ENOX1: variants seen among roughly 807,000 people sequenced by gnomAD.
ENOX1 encodes the protein ecto-NOX disulfide-thiol exchanger 1, also known as candidate growth-related and time keeping constitutive hydroquinone (NADH) oxidase.
A neutral mutation model predicts 82.5 loss-of-function variants in ENOX1; 42 were observed. The ratio of observed to expected loss-of-function variants is 0.51; its 90% CI spans 0.40 to 0.66. The LOEUF is 0.66. Ranked by LOEUF, ENOX1 falls within the 30% of genes least tolerant of loss-of-function variation. The pLI is 0.00. For synonymous variants in ENOX1, 271 were observed against 282.2 expected, an observed-to-expected ratio of 0.96 and a Z score of 0.40; for missense variants, 608 against 811.6, an observed-to-expected ratio of 0.75 and a Z score of 3.05.
At chr13:43,398,805 T>TC (rs1393053689) in intron 5 of ENOX1, among the ~76,000 whole-genome samples, 1 of 146,150 alleles carries the variant, frequency 6.8e-6, no homozygotes, top group African/African-American at 2.5e-5. Context: ...TTCTTCTTCT[T>TC]TTTTTTTTTT....
At chr13:43,641,951 T>C (rs572579169) in intron 2 of ENOX1, among the ~76,000 whole-genome samples, 1 of 152,312 alleles carries the variant, frequency 6.6e-6, no homozygotes, top group African/African-American at 2.4e-5. Context: ...AACAACATGA[T>C]GATAATAGTC....
At chr13:43,401,999 A>C (rs1377870510) in intron 5 of ENOX1, among the ~76,000 whole-genome samples, 1 of 152,230 alleles carries the variant, frequency 6.6e-6, no homozygotes, top group African/African-American at 2.4e-5. Flanking sequence ...AACGTCTGGC[A>C]ACCAATAATA....
intron 1 of ENOX1, among the ~76,000 whole-genome samples, chr13:43,725,850 C>T (rs1446638069): frequency 6.6e-6 from 1 of 151,650 alleles, no homozygotes; most frequent in Non-Finnish European, 1.5e-5. Flanking sequence ...ACCTGTGGTC[C>T]CAGCTACTCA....
chr13:43,723,634 A>AGAGT (rs2088724391), intron 1 of ENOX1, among the ~76,000 whole-genome samples: 1 of 152,232 alleles, frequency 6.6e-6, no homozygotes, highest in Admixed American at 6.5e-5. Context: ...AGACAATGTG[A>AGAGT]GAGTCACTGA....
intron 5 of ENOX1, among the ~76,000 whole-genome samples, chr13:43,396,971 C>A (rs1455579971): frequency 6.6e-6 from 1 of 152,118 alleles, no homozygotes; most frequent in East Asian, 1.9e-4. Context: ...GGAGCAATAC[C>A]ACCTCTCCAG....
intron 2 of ENOX1, among the ~76,000 whole-genome samples, chr13:43,524,024 C>G (rs1012563587): frequency 6.6e-6 from 1 of 152,074 alleles, no homozygotes; most frequent in Non-Finnish European, 1.5e-5. Context: ...CTTTCCTCAC[C>G]GGACCCATGG....
chr13:43,474,852 T>C, intron 3 of ENOX1, among the ~76,000 whole-genome samples: 1 of 151,530 alleles, frequency 6.6e-6, no homozygotes, highest in South Asian at 2.1e-4. Context: ...TTTCAGCAGG[T>C]CTATTACTAG....
chr13:43,310,191 C>A (rs2047115016), intron 11 of ENOX1, among the ~76,000 whole-genome samples: 2 of 67,596 alleles, frequency 3.0e-5, no homozygotes, highest in African/African-American at 6.0e-5. Context: ...GAGCGAGATT[C>A]CATCTCAAAA....
At chr13:43,386,514 A>C (rs1426078417) in intron 5 of ENOX1, among the ~76,000 whole-genome samples, 1 of 152,208 alleles carries the variant, frequency 6.6e-6, no homozygotes, top group Non-Finnish European at 1.5e-5. Flanking sequence ...TCCTAAGGAA[A>C]TAATGTGTTT....
intron 3 of ENOX1, among the ~76,000 whole-genome samples, chr13:43,416,271 CAGACGGGGCGGCCGGGCAG>C (rs2054536231): frequency 1.4e-5 from 2 of 142,660 alleles, no homozygotes; most frequent in African/African-American, 2.7e-5. Flanking sequence ...CCCCATCTCC[CAGACGGGGCGGCCGGGCAG>C]AGATGCTCCC....
intron 5 of ENOX1, among the ~76,000 whole-genome samples, chr13:43,405,759 G>C (rs887138547): frequency 6.6e-6 from 1 of 152,156 alleles, no homozygotes; most frequent in Non-Finnish European, 1.5e-5. Flanking sequence ...TCTCTTATCT[G>C]GGTAACTCCT....
At chr13:43,437,147 T>C (rs2153618687) in intron 3 of ENOX1, among the ~76,000 whole-genome samples, 1 of 152,248 alleles carries the variant, frequency 6.6e-6, no homozygotes, top group South Asian at 2.1e-4. Context: ...AAAATAGCAA[T>C]ACTTTTGGGG....
At chr13:43,296,303 T>G (rs2046284372) in intron 12 of ENOX1, among the ~76,000 whole-genome samples, 1 of 152,132 alleles carries the variant, frequency 6.6e-6, no homozygotes, top group South Asian at 2.1e-4. Context: ...AACAGTGTAT[T>G]TATAAAAAGC....
chr13:43,399,818 A>G (rs548962447), intron 5 of ENOX1, among the ~76,000 whole-genome samples: 6 of 152,234 alleles, frequency 3.9e-5, no homozygotes, highest in Non-Finnish European at 8.8e-5. Flanking sequence ...GAAAGACCAC[A>G]GAAAGGATCC....
intron 1 of ENOX1, among the ~76,000 whole-genome samples, chr13:43,741,571 C>T (rs1017599577): frequency 1.3e-5 from 2 of 152,010 alleles, no homozygotes; most frequent in Non-Finnish European, 2.9e-5. Flanking sequence ...AGATCTTTGC[C>T]CATTTTCGAA....
At chr13:43,773,703 G>T (rs932472316) in intron 1 of ENOX1, among the ~76,000 whole-genome samples, 3 of 152,138 alleles carry the variant, frequency 2.0e-5, no homozygotes, top group African/African-American at 7.2e-5. Context: ...GAGAAACCCA[G>T]TTTTTTCAAA....
chr13:43,605,558 G>T (rs954056877), intron 2 of ENOX1, among the ~76,000 whole-genome samples: 8 of 152,122 alleles, frequency 5.3e-5, no homozygotes, highest in African/African-American at 1.9e-4. Context: ...TTAGGGGAAA[G>T]TACAGTCTCT....
At chr13:43,702,207 T>C (rs911970977) in intron 1 of ENOX1, among the ~76,000 whole-genome samples, 8 of 152,266 alleles carry the variant, frequency 5.3e-5, no homozygotes, top group Admixed American at 5.2e-4. Context: ...TCTGAAATAT[T>C]ACTCTCATTT....
At chr13:43,571,749 T>C (rs1428437004) in intron 2 of ENOX1, among the ~76,000 whole-genome samples, 1 of 152,078 alleles carries the variant, frequency 6.6e-6, no homozygotes, top group Non-Finnish European at 1.5e-5. Flanking sequence ...TCAAGGAGGT[T>C]GTTTAAAAAT....
Sources: allele counts gnomAD v4.1 joint callset (sites outside exome capture counted in the v4.1 genomes callset), GRCh38; gene constraint gnomAD v4.1.1; transcripts MANE v1.5; gene names NCBI Gene and HGNC (gene_info 2026-07-23, HGNC 2026-07-21).